CP: variants seen among roughly 807,000 people sequenced by gnomAD.
CP encodes ceruloplasmin.
In CP, 64 loss-of-function variants were observed where a neutral mutation model predicts 122.4. That is an observed-to-expected ratio of 0.52 (90% confidence interval 0.43 to 0.64). The LOEUF is 0.64. CP is among the 30% of genes least tolerant of loss of function. CP has a pLI of 0.00. For missense variants in CP, 1,167 were observed against 1,284.4 expected (o/e 0.91, Z 1.40); for synonymous variants, 440 against 436.4 (o/e 1.01, Z -0.10).
chr3:149,177,729 G>T, intron 17 of CP, 111 bp downstream of exon 17: 1 of 1,120,950 alleles, frequency 8.9e-7, no homozygotes, highest in Non-Finnish European at 1.4e-6. Context: ...TGAAGCACCG[G>T]CTGTACTCTT....
At position 149,198,630 on chromosome 3, in the gene CP, T is replaced by C. The variant is rs755760723; in HGVS notation, c.1502-52A>G. On this transcript the variant is annotated intron_variant, in intron 8 of 18. Coordinates refer to ENST00000264613, the MANE Select transcript of CP (RefSeq NM_000096.4). Reference sequence around the variant, plus strand: ...TGAAGTGTGCTTTCTAACGTGGTCATTTGAGCCACAAAGTAGACTAAGTTT... The same window carrying C: ...TGAAGTGTGCTTTCTAACGTGGTCACTTGAGCCACAAAGTAGACTAAGTTT... The C allele has an allele frequency of 6.0e-5, 90 of 1,512,004 alleles. 4 individuals carry two copies. In the South Asian group the frequency reaches 1.0e-3, roughly 17 times the overall value. The allele number at this position is 1,512,004 out of a possible 1,614,324, so 93.7% of individuals were successfully genotyped here.
chr3:149,208,508 A>T (rs755495355), intron 4 of CP, among the ~76,000 whole-genome samples: 26 of 152,198 alleles, frequency 1.7e-4, no homozygotes, highest in Admixed American at 1.7e-3. Context: ...CTTTGGTAGT[A>T]TCGTTATTTT....
chr3:149,220,354 C>G lies in CP; in HGVS notation c.146+1293G>C, dbSNP rs376544466. ...TTTTTTTAATGTGTCTGACTTTTTCCTTGGAAATAAAAACCACATATAATT... is the reference window on the plus strand; with the variant it reads ...TTTTTTTAATGTGTCTGACTTTTTCGTTGGAAATAAAAACCACATATAATT... On this transcript the variant is annotated intron_variant, in intron 1 of 18. Coordinates refer to ENST00000264613, the MANE Select transcript of CP (RefSeq NM_000096.4). Among the ~76,000 whole-genome samples, 71 of 151,788 alleles carry G rather than the reference C, an allele frequency of 4.7e-4. No individual in the cohort carries two copies. The East Asian group carries it at 0.013, about 28-fold the overall frequency.
intron 10 of CP, 107 bp downstream of exon 10, chr3:149,187,945 T>G: frequency 1.6e-6 from 2 of 1,222,224 alleles, no homozygotes; most frequent in East Asian, 4.7e-5. Flanking sequence ...AATCGTTTAT[T>G]GAAAAAATAA....
rs76178161 is a variant in CP, at chr3:149,198,225, G to A, written c.1713+142C>T. The A allele has an allele frequency of 2.2e-4, 145 of 645,900 alleles. 1 individual carries two copies. The African/African-American group carries it at 2.4e-3, about 11-fold the overall frequency. The allele number at this position is 645,900 out of a possible 1,614,324, so 40.0% of individuals were successfully genotyped here. A position where few individuals can be genotyped will look rare whatever the true frequency, so the allele number is the denominator to read the frequency against. On this transcript the variant is annotated intron_variant, in intron 9 of 18. Transcript: ENST00000264613. ...TTATTTTAAGGTGTGATAATTGTGGGCATTTTTAAAGAAGTCCTTATCTTT... is the reference window on the plus strand; with the variant it reads ...TTATTTTAAGGTGTGATAATTGTGGACATTTTTAAAGAAGTCCTTATCTTT...
At chr3:149,207,196 T>TG (rs1362941673) in intron 5 of CP, among the ~76,000 whole-genome samples, 167 bp downstream of exon 5, 1 of 152,222 alleles carries the variant, frequency 6.6e-6, no homozygotes, top group Non-Finnish European at 1.5e-5. Context: ...ATAATATTCC[T>TG]GTCTTACAGT....
intron 4 of CP, chr3:149,167,243 A>G: frequency 6.2e-7 from 1 of 1,607,324 alleles, no homozygotes; most frequent in South Asian, 1.1e-5. Context: ...AGAACCGGGT[A>G]TGCTTTTTCA....
intron 9 of CP, among the ~76,000 whole-genome samples, chr3:149,197,282 T>G (rs1053343476): frequency 6.6e-6 from 1 of 152,198 alleles, no homozygotes; most frequent in Non-Finnish European, 1.5e-5. Flanking sequence ...TTCTATATAC[T>G]GTGTACCTCA....
At chr3:149,186,324 T>C (rs1396448223) in intron 11 of CP, 196 bp downstream of exon 11, 4 of 621,292 alleles carry the variant, frequency 6.4e-6, no homozygotes, top group Non-Finnish European at 8.6e-6. Context: ...CACATTGTCC[T>C]CAGTAACTAG....
intron 10 of CP, 131 bp from the exon 11 acceptor site, chr3:149,186,863 G>T: frequency 2.5e-6 from 2 of 789,688 alleles, no homozygotes; most frequent in Non-Finnish European, 4.3e-6. Flanking sequence ...CACGCTTTAT[G>T]TGTCAGGAGT....
Position 149,199,795 on chromosome 3 carries a change from AGG to A in CP, c.1416_1417del (p.Leu473GlnfsTer3). On this transcript the variant is annotated frameshift_variant, in exon 8 of 19. Transcript: ENST00000264613. LOFTEE classifies it high-confidence loss of function. ...TCTCACCCCAATCGGCTCAATACTG[AGG>A]GGATATGCTCCTTTGTTATGGAAGG... 6.2e-7 allele frequency: 1 copy of A among 1,614,100 alleles called. No homozygotes were observed. Among genetic ancestry groups the A allele is most frequent in the Non-Finnish European group, 8.5e-7 (1 of 1,179,976 alleles).
chr3:149,220,950 A>T (rs542295386), intron 1 of CP, among the ~76,000 whole-genome samples: 5 of 152,322 alleles, frequency 3.3e-5, no homozygotes, highest in Non-Finnish European at 7.4e-5. Context: ...TGTAGTGAAT[A>T]TTGCTTTCAA....
rs776909143 is a variant in CP, at chr3:149,186,690, A to G, written c.1907T>C (p.Met636Thr). The G allele has an allele frequency of 1.3e-5, 21 of 1,614,068 alleles. No homozygotes were observed. In the East Asian group the frequency reaches 3.6e-4, roughly 27 times the overall value. Residue 636 changes from methionine to threonine, a missense_variant, in exon 11 of 19, where the codon ATG (methionine) becomes ACG (threonine). By Grantham distance (81) the Met-to-Thr change is moderately conservative. Transcript: ENST00000264613. ...FMYGNQPGLTMCKGDSVVWYL... is the reference protein window; with the variant it reads ...FMYGNQPGLTTCKGDSVVWYL... ...CCACACGACCGAATCTCCTTTGCAC[A>G]TAGTGAGACCCGGCTGATTCCCATA...
intron 4 of CP, among the ~76,000 whole-genome samples, chr3:149,208,640 G>GAAAT (rs558028785): frequency 7.9e-5 from 12 of 152,168 alleles, no homozygotes; most frequent in Middle Eastern, 3.4e-3. Flanking sequence ...CAAATTATGA[G>GAAAT]AAATAGATAA....
intron 9 of CP, among the ~76,000 whole-genome samples, chr3:149,189,322 G>A (rs1239592235): frequency 2.6e-5 from 4 of 152,168 alleles, no homozygotes; most frequent in Non-Finnish European, 4.4e-5. Flanking sequence ...GGGAGGCCAA[G>A]GCATGTGGAT....
chr3:149,206,335 A>C lies in CP; in HGVS notation c.1041T>G (p.Gly347=), dbSNP rs775700302. The C allele has an allele frequency of 1.9e-6, 3 of 1,613,736 alleles. No homozygotes were observed. In the African/African-American group the frequency reaches 4.0e-5, roughly 22 times the overall value. Residue 347 remains glycine (G), a synonymous_variant, in exon 6 of 19, where the codon GGT becomes GGG. Coordinates refer to ENST00000264613, the MANE Select transcript of CP (RefSeq NM_000096.4). ...SCQNLNHLKA[G]LQAFFQVQEC... is the part of the protein sequence containing the mutation. ...CCTGGACCTGGAAAAAGGCTTGCAA[A>C]CCGGCTGAAATGAAACAGAAAGAGG...
At chr3:149,187,994 G>C in intron 10 of CP, 58 bp downstream of exon 10, 2 of 1,565,768 alleles carry the variant, frequency 1.3e-6, no homozygotes, top group Non-Finnish European at 1.8e-6. Flanking sequence ...TTAGTTAAAA[G>C]CATTACATAT....
chr3:149,199,323 G>T (rs1373089701), intron 8 of CP, among the ~76,000 whole-genome samples: 3 of 152,022 alleles, frequency 2.0e-5, no homozygotes, highest in Non-Finnish European at 2.9e-5. Context: ...AAATATAAGA[G>T]CGATTGCTTA....
At chr3:149,215,344 C>T (rs186721014) in intron 1 of CP, among the ~76,000 whole-genome samples, 1 of 152,234 alleles carries the variant, frequency 6.6e-6, no homozygotes, top group Admixed American at 6.5e-5. Context: ...TACCTAAGAC[C>T]AAGACCAAGA....
Sources: allele counts gnomAD v4.1 joint callset (sites outside exome capture counted in the v4.1 genomes callset), GRCh38; gene constraint gnomAD v4.1.1; transcripts MANE v1.5; gene names NCBI Gene and HGNC (gene_info 2026-07-23, HGNC 2026-07-21).